The following ADGRG2 variants were observed in gnomAD, a reference collection of about 807,000 sequenced individuals.
ADGRG2 encodes adhesion G protein-coupled receptor G2.
Under a neutral mutation model 74.1 loss-of-function variants are expected in ADGRG2, and 26 were observed. That is an observed-to-expected ratio of 0.35 (90% confidence interval 0.26 to 0.49). The LOEUF (loss-of-function observed/expected upper bound fraction) is 0.49. ADGRG2 is among the 20% of genes least tolerant of loss of function. The probability of loss-of-function intolerance (pLI) is 0.99; values close to 1 mark genes in which losing one functional copy is unlikely to be tolerated. For synonymous variants in ADGRG2, 296 were observed against 295.2 expected (o/e 1.00, Z -0.03); for missense variants, 619 against 763.1 (o/e 0.81, Z 2.22).
At chrX:19,026,924 T>C (rs1019634683) in intron 11 of ADGRG2, among the ~76,000 whole-genome samples, 1 of 112,200 alleles carries the variant, frequency 8.9e-6, no homozygotes, top group Non-Finnish European at 1.9e-5. Context: ...ACAAATCATA[T>C]ATTTGGAGTC....
chrX:19,001,966 CAG>C (rs968897410), intron 24 of ADGRG2, among the ~76,000 whole-genome samples: 10 of 110,836 alleles, frequency 9.0e-5, no homozygotes, highest in East Asian at 2.8e-4. Flanking sequence ...GTGTGAAAAA[CAG>C]GGGATTATAC....
chrX:19,085,190 T>C (rs898394453), intron 1 of ADGRG2, among the ~76,000 whole-genome samples: 8 of 111,992 alleles, frequency 7.1e-5, no homozygotes, highest in African/African-American at 9.7e-5. Flanking sequence ...TGGAATATTA[T>C]GCAACACTTA....
intron 1 of ADGRG2, among the ~76,000 whole-genome samples, chrX:19,105,832 T>C (rs1289895934): frequency 5.9e-5 from 6 of 102,115 alleles, no homozygotes; most frequent in Non-Finnish European, 2.0e-5. Flanking sequence ...AGCTACTGGG[T>C]TGGGAGAATC....
At chrX:19,018,689 A>T (rs919235323) in intron 15 of ADGRG2, among the ~76,000 whole-genome samples, 3 of 111,757 alleles carry the variant, frequency 2.7e-5, no homozygotes, top group African/African-American at 9.8e-5. Context: ...CACTGGGGAA[A>T]AGATGAACTT....
At chrX:18,991,703 G>A (rs2059926213) in intron 28 of ADGRG2, among the ~76,000 whole-genome samples, 1 of 111,948 alleles carries the variant, frequency 8.9e-6, no homozygotes, top group Non-Finnish European at 1.9e-5. Flanking sequence ...TTGGACGTGG[G>A]CCTTCCCCAC....
At chrX:19,005,949 C>T (rs1212106892) in intron 22 of ADGRG2, 53 bp downstream of exon 22, 2 of 729,330 alleles carry the variant, frequency 2.7e-6, no homozygotes, top group East Asian at 3.2e-5. Flanking sequence ...TAGTGTGATG[C>T]CCAGCTACCC....
intron 8 of ADGRG2, chrX:19,031,640 C>T (rs974638289): frequency 1.8e-5 from 2 of 111,937 alleles, no homozygotes; most frequent in Non-Finnish European, 3.8e-5. Flanking sequence ...AAATAAAAAG[C>T]ATTTTTTAAT....
intron 2 of ADGRG2, among the ~76,000 whole-genome samples, chrX:19,073,276 C>T (rs1383139228): frequency 2.7e-5 from 3 of 112,517 alleles, no homozygotes; most frequent in Non-Finnish European, 5.6e-5. Flanking sequence ...TCCAGGTCAT[C>T]AACAAAGAGG....
chrX:19,026,328 G>A (rs1489780427), intron 11 of ADGRG2, among the ~76,000 whole-genome samples: 6 of 112,424 alleles, frequency 5.3e-5, no homozygotes, highest in Non-Finnish European at 1.1e-4. Flanking sequence ...TTGTGAGGCA[G>A]TAGCAATGTT....
chrX:19,042,388 C>T (rs886688615), intron 3 of ADGRG2, among the ~76,000 whole-genome samples: 4 of 110,847 alleles, frequency 3.6e-5, no homozygotes, highest in Admixed American at 2.9e-4. Flanking sequence ...AGTTAGGTAC[C>T]AGAGAAGAGG....
intron 1 of ADGRG2, among the ~76,000 whole-genome samples, chrX:19,100,634 G>C (rs2062171897): frequency 8.8e-6 from 1 of 113,607 alleles, no homozygotes. Flanking sequence ...TCACTCACTG[G>C]AAGATAAGCT....
At chrX:19,108,763 G>A (rs1037469070) in intron 1 of ADGRG2, among the ~76,000 whole-genome samples, 2 of 111,817 alleles carry the variant, frequency 1.8e-5, no homozygotes, top group Non-Finnish European at 3.8e-5. Flanking sequence ...GTGAAAGGAG[G>A]CAAGAGGAGG....
chrX:19,006,753 ATT>A (rs35276629), intron 20 of ADGRG2, among the ~76,000 whole-genome samples: 22 of 81,807 alleles, frequency 2.7e-4, no homozygotes, highest in African/African-American at 6.8e-4. Context: ...TAGGTGGTCA[ATT>A]TTTTTTTTTT....
chrX:19,043,313 T>C (rs1347656196), intron 3 of ADGRG2, among the ~76,000 whole-genome samples: 1 of 111,437 alleles, frequency 9.0e-6, no homozygotes, highest in Admixed American at 9.5e-5. Context: ...GAGGATCAGC[T>C]TATGTTTCTC....
At chrX:19,049,956 T>C in intron 3 of ADGRG2, among the ~76,000 whole-genome samples, 1 of 111,416 alleles carries the variant, frequency 9.0e-6, no homozygotes, top group Non-Finnish European at 1.9e-5. Flanking sequence ...CGTGCACCAG[T>C]GGTTTGGCTG....
chrX:19,026,292 G>C, intron 11 of ADGRG2, among the ~76,000 whole-genome samples: 1 of 112,464 alleles, frequency 8.9e-6, no homozygotes, highest in Non-Finnish European at 1.9e-5. Flanking sequence ...CAGCAGATTT[G>C]CTTCAAAAGT....
intron 1 of ADGRG2, among the ~76,000 whole-genome samples, chrX:19,110,719 C>CA (rs2062399162): frequency 1.0e-5 from 1 of 98,529 alleles, no homozygotes; most frequent in Admixed American, 1.1e-4. Flanking sequence ...AAAAAAAAAA[C>CA]AAAAAAACAG....
intron 6 of ADGRG2, chrX:19,036,191 T>C (rs994771242): frequency 6.5e-6 from 2 of 306,785 alleles, no homozygotes; most frequent in African/African-American, 5.4e-5. Context: ...TGTTCATTGA[T>C]TCAAATGCAA....
chrX:19,002,922 A>G lies in ADGRG2; in HGVS notation c.2154T>C (p.His718=), dbSNP rs764577404. The change falls in exon 24 of 29, where the codon CAT becomes CAC. Residue 718 remains histidine (H), a synonymous_variant. Transcript: ENST00000379869. ...ATACTTTGACAAGGGCCAGGTACAT[A>G]TGGAATGCTTCTAGGCCCATCCATG... is the stretch of plus-strand genomic sequence containing the variant. ...SFTWMGLEAF[H]MYLALVKVFN... 7 of 1,198,058 alleles carry G rather than the reference A, an allele frequency of 5.8e-6. No individual in the cohort carries two copies. The highest frequency in any genetic ancestry group is 4.4e-5 in the Admixed American group (2 of 45,622).
Sources: allele counts gnomAD v4.1 joint callset (sites outside exome capture counted in the v4.1 genomes callset), GRCh38; gene constraint gnomAD v4.1.1; transcripts MANE v1.5; gene names NCBI Gene and HGNC (gene_info 2026-07-23, HGNC 2026-07-21).